L3MBTL4: variants seen among roughly 807,000 people sequenced by gnomAD.
L3MBTL4 encodes the protein L3MBTL histone methyl-lysine binding protein 4.
L3MBTL4 carries 70 observed loss-of-function variants against 84.5 expected under a neutral mutation model. That is an observed-to-expected ratio of 0.83 (90% CI 0.68 to 1.01). The LOEUF (loss-of-function observed/expected upper bound fraction) is 1.01. Among genes scored for constraint, L3MBTL4 ranks in the 50% least tolerant of loss-of-function variants. L3MBTL4 has a pLI of 0.00. For synonymous variants in L3MBTL4, 274 were observed against 259.8 expected, an observed-to-expected ratio of 1.05 and a Z score of -0.52; for missense variants, 715 against 754.8, an observed-to-expected ratio of 0.95 and a Z score of 0.62.
intron 1 of L3MBTL4, among the ~76,000 whole-genome samples, chr18:6,375,195 T>C (rs2054316072): frequency 6.6e-6 from 1 of 151,890 alleles, no homozygotes; most frequent in Non-Finnish European, 1.5e-5. Context: ...CTCCAGTCTT[T>C]ATACCTTCCA....
intron 14 of L3MBTL4, among the ~76,000 whole-genome samples, chr18:6,095,346 GTTT>G (rs71370544): frequency 8.1e-6 from 1 of 122,948 alleles, no homozygotes; most frequent in Admixed American, 8.1e-5. Flanking sequence ...GGGGAACATG[GTTT>G]TTTTTTTTTT....
chr18:6,329,121 T>A (rs1436693836), intron 1 of L3MBTL4, among the ~76,000 whole-genome samples: 1 of 133,246 alleles, frequency 7.5e-6, no homozygotes, highest in African/African-American at 3.5e-5. Context: ...AATAGATGAC[T>A]TCTGTTTCTT....
intron 16 of L3MBTL4, among the ~76,000 whole-genome samples, chr18:6,011,603 C>T (rs949789949): frequency 2.0e-5 from 3 of 152,178 alleles, no homozygotes; most frequent in Non-Finnish European, 4.4e-5. Flanking sequence ...AACTACTCCC[C>T]ACCCCAAGGT....
chr18:6,287,279 TA>T (rs2049637621), intron 4 of L3MBTL4, among the ~76,000 whole-genome samples: 2 of 152,094 alleles, frequency 1.3e-5, no homozygotes, highest in Admixed American at 6.5e-5. Flanking sequence ...ACCACAGCTA[TA>T]AAATTATACA....
In L3MBTL4 at chr18:6,328,793, C is replaced by A. The variant is rs374818530; in HGVS notation, c.-90-16737G>T. ...GTAGTGGAAAAGTCATCCAGTCACACAAGTTCTAGCTCTGACTCTCCAGCT... is the reference window on the plus strand; with the variant it reads ...GTAGTGGAAAAGTCATCCAGTCACAAAAGTTCTAGCTCTGACTCTCCAGCT... On this transcript the variant is annotated intron_variant, in intron 1 of 18. Transcript: ENST00000317931. Among the ~76,000 whole-genome samples the A allele has an allele frequency of 4.6e-5, 7 of 152,326 alleles. No individual in the cohort carries two copies. The East Asian group carries it at 9.6e-4, about 21-fold the overall frequency.
intron 1 of L3MBTL4, among the ~76,000 whole-genome samples, chr18:6,332,445 C>A (rs1236445845): frequency 6.6e-6 from 1 of 152,096 alleles, no homozygotes; most frequent in Non-Finnish European, 1.5e-5. Flanking sequence ...TCACATGGTT[C>A]CAGGGTAGGC....
chr18:6,402,704 G>A (rs923566104), intron 1 of L3MBTL4, among the ~76,000 whole-genome samples: 6 of 152,160 alleles, frequency 3.9e-5, no homozygotes, highest in Middle Eastern at 3.4e-3. Context: ...GTCATTCACC[G>A]AAAAATAGAA....
At chr18:6,322,477 G>GGAAGGAAGGAA (rs1568490165) in intron 1 of L3MBTL4, among the ~76,000 whole-genome samples, 1 of 143,978 alleles carries the variant, frequency 6.9e-6, no homozygotes, top group Non-Finnish European at 1.5e-5. Flanking sequence ...AAGGAAGGAA[G>GGAAGGAAGGAA]GAAGGAAGGA....
At chr18:6,314,069 GATA>G (rs2050968591) in intron 1 of L3MBTL4, among the ~76,000 whole-genome samples, 1 of 128,106 alleles carries the variant, frequency 7.8e-6, no homozygotes. Flanking sequence ...TAGATAGATA[GATA>G]GATAGATAGA....
At chr18:6,247,334 C>T (rs1047592197) in intron 5 of L3MBTL4, among the ~76,000 whole-genome samples, 16 of 152,042 alleles carry the variant, frequency 1.1e-4, no homozygotes, top group African/African-American at 3.9e-4. Flanking sequence ...AAAGCAGGAG[C>T]CAGTCTAGGG....
rs1008774921 is a variant in L3MBTL4 at position 6,248,385 on chromosome 18, A to G, written c.220-3797T>C. ...GGTTCCTATTTGTTCTCTCTTCAGT[A>G]AAGTTACAATATCCATTTGAAATAC... On this transcript the variant is annotated intron_variant, in intron 5 of 18. Coordinates refer to ENST00000317931, the MANE Select transcript of L3MBTL4 (RefSeq NM_001330559.2). Among the ~76,000 whole-genome samples the G allele has an allele frequency of 2.0e-5, 3 of 152,232 alleles. No individual in the cohort carries two copies. The East Asian group carries it at 5.8e-4, about 29-fold the overall frequency.
chr18:6,235,195 G>A (rs879574186), intron 10 of L3MBTL4, among the ~76,000 whole-genome samples: 5 of 152,126 alleles, frequency 3.3e-5, no homozygotes, highest in Non-Finnish European at 7.4e-5. Flanking sequence ...GGGAGGGATA[G>A]CATTAGGAGA....
At chr18:6,093,222 G>A (rs1390645739) in intron 15 of L3MBTL4, 133 bp downstream of exon 15, 6 of 687,996 alleles carry the variant, frequency 8.7e-6, no homozygotes, top group East Asian at 6.0e-5. Context: ...TCAGCCCAGC[G>A]AACCTAATAA....
intron 1 of L3MBTL4, among the ~76,000 whole-genome samples, chr18:6,373,708 A>G (rs1219419219): frequency 6.6e-6 from 1 of 152,166 alleles, no homozygotes; most frequent in Non-Finnish European, 1.5e-5. Flanking sequence ...CACAGAAAGT[A>G]CAAGGGAATT....
intron 16 of L3MBTL4, among the ~76,000 whole-genome samples, chr18:6,009,490 G>A (rs2054636583): frequency 6.6e-6 from 1 of 152,108 alleles, no homozygotes; most frequent in South Asian, 2.1e-4. Context: ...GGTCCTAAAG[G>A]CCAGTTTTAG....
At chr18:6,228,637 A>G (rs1376072313) in intron 10 of L3MBTL4, among the ~76,000 whole-genome samples, 1 of 152,194 alleles carries the variant, frequency 6.6e-6, no homozygotes, top group Non-Finnish European at 1.5e-5. Context: ...GTTACTTAAG[A>G]TCATTAATTA....
chr18:6,035,795 G>T (rs956852448), intron 16 of L3MBTL4, among the ~76,000 whole-genome samples: 8 of 152,164 alleles, frequency 5.3e-5, no homozygotes, highest in African/African-American at 1.7e-4. Context: ...GCAAAACAGT[G>T]TGTAGAGGGA....
chr18:6,101,541 C>T (rs7240633), intron 14 of L3MBTL4, among the ~76,000 whole-genome samples: 35,355 of 152,048 alleles, frequency 0.23, 6,279 homozygotes, highest in African/African-American at 0.5. Flanking sequence ...CCACGAAGGA[C>T]TGTGGTAACA....
intron 1 of L3MBTL4, among the ~76,000 whole-genome samples, chr18:6,387,167 C>G (rs1173369807): frequency 6.6e-6 from 1 of 152,158 alleles, no homozygotes; most frequent in East Asian, 1.9e-4. Flanking sequence ...TGGGCCTGAT[C>G]AAAAATCATC....
Sources: allele counts gnomAD v4.1 joint callset (sites outside exome capture counted in the v4.1 genomes callset), GRCh38; gene constraint gnomAD v4.1.1; transcripts MANE v1.5; gene names NCBI Gene and HGNC (gene_info 2026-07-23, HGNC 2026-07-21).